Variants in TMTC2 observed in about 807,000 individuals in gnomAD.
TMTC2 encodes protein O-mannosyl-transferase TMTC2.
In TMTC2, 43 loss-of-function variants were observed where a neutral mutation model predicts 82.4. That is an observed-to-expected ratio of 0.52 (90% CI 0.41 to 0.67). The LOEUF (loss-of-function observed/expected upper bound fraction) is 0.67, where lower values mean the gene tolerates loss of function less well. Among genes scored for constraint, TMTC2 ranks in the 30% least tolerant of loss-of-function variants. The pLI, the probability that TMTC2 is intolerant of heterozygous loss-of-function variation, is 0.00. For missense variants in TMTC2, 919 were observed against 1,012.4 expected, an observed-to-expected ratio of 0.91 and a Z score of 1.25; for synonymous variants, 408 against 381.9, an observed-to-expected ratio of 1.07 and a Z score of -0.80.
chr12:82,915,791 T>A (rs1874966928), intron 3 of TMTC2, among the ~76,000 whole-genome samples: 2 of 152,246 alleles, frequency 1.3e-5, no homozygotes, highest in South Asian at 4.1e-4. Context: ...AAGGGCTGCT[T>A]GGAGACAATT....
intron 1 of TMTC2, among the ~76,000 whole-genome samples, chr12:82,856,461 T>C (rs1166118935): frequency 1.3e-5 from 2 of 152,212 alleles, no homozygotes; most frequent in African/African-American, 2.4e-5. Context: ...TGAGAGCTAC[T>C]GGAATGTGGA....
At position 82,862,065 on chromosome 12, in the gene TMTC2, T is replaced by C. The variant is rs73360205; in HGVS notation, c.654+4485T>C. Among the ~76,000 whole-genome samples, 323 of 152,282 alleles carry C rather than the reference T, an allele frequency of 2.1e-3. 1 individual carries two copies. Among genetic ancestry groups the C allele is most frequent in the African/African-American group, 7.6e-3 (314 of 41,574 alleles). ...GTTGGAAGACATGTATGTCAGAAAA[T>C]AAATTTTCTTGACCTCTCACTAAAT... On this transcript the variant is annotated intron_variant, in intron 2 of 11. Transcript: ENST00000321196.
At chr12:82,864,627 G>A (rs12818137) in intron 2 of TMTC2, among the ~76,000 whole-genome samples, 1 of 147,788 alleles carries the variant, frequency 6.8e-6, no homozygotes, top group South Asian at 2.2e-4. Flanking sequence ...TCAGCCTCCC[G>A]AGTAGCTGGG....
rs777698539 is a variant in TMTC2 at position 82,753,576 on chromosome 12, C to A, written c.83+65907C>A. 3.7e-4 allele frequency among the ~76,000 whole-genome samples: 57 copies of A among 152,296 alleles called. 1 individual carries two copies. Among genetic ancestry groups the A allele is most frequent in the Non-Finnish European group, 7.2e-4 (49 of 68,022 alleles). On this transcript the variant is annotated intron_variant, in intron 1 of 11. Transcript: ENST00000321196. Reference sequence around the variant, plus strand: ...TGATTAGGAAGACAGTTATTCACTTCTGTTTGCTGAACTGGAAGGAAGTCA... The same window carrying A: ...TGATTAGGAAGACAGTTATTCACTTATGTTTGCTGAACTGGAAGGAAGTCA...
intron 4 of TMTC2, among the ~76,000 whole-genome samples, chr12:82,957,722 T>A (rs1257790629): frequency 6.6e-6 from 1 of 152,010 alleles, no homozygotes; most frequent in Non-Finnish European, 1.5e-5. Flanking sequence ...GAGACTATTA[T>A]GAACACTTCT....
intron 3 of TMTC2, among the ~76,000 whole-genome samples, chr12:82,921,179 A>G (rs1489243733): frequency 1.3e-5 from 2 of 152,158 alleles, no homozygotes; most frequent in Non-Finnish European, 2.9e-5. Context: ...TAAAATTATT[A>G]AAACATATTA....
intron 2 of TMTC2, among the ~76,000 whole-genome samples, chr12:82,881,994 A>ATTTTTTT (rs869127384): frequency 7.5e-5 from 8 of 107,280 alleles, no homozygotes; most frequent in African/African-American, 1.7e-4. Flanking sequence ...TGTTGTTAAG[A>ATTTTTTT]TTTTTTTTTT....
At chr12:83,098,534 T>C (rs769387641) in intron 11 of TMTC2, among the ~76,000 whole-genome samples, 6 of 152,238 alleles carry the variant, frequency 3.9e-5, no homozygotes, top group Non-Finnish European at 8.8e-5. Flanking sequence ...AGCTGTATCT[T>C]TCCAAAACAC....
intron 8 of TMTC2, among the ~76,000 whole-genome samples, chr12:83,024,741 A>G (rs1193670280): frequency 6.6e-6 from 1 of 152,244 alleles, no homozygotes; most frequent in African/African-American, 2.4e-5. Flanking sequence ...CATGTGAGCT[A>G]GTTCAGAAGA....
At chr12:82,866,979 A>G (rs1871899534) in intron 2 of TMTC2, among the ~76,000 whole-genome samples, 1 of 152,238 alleles carries the variant, frequency 6.6e-6, no homozygotes, top group South Asian at 2.1e-4. Context: ...ATTTTAAACA[A>G]TCAGATTTTG....
chr12:82,789,327 A>G (rs1179242270), intron 1 of TMTC2, among the ~76,000 whole-genome samples: 1 of 152,110 alleles, frequency 6.6e-6, no homozygotes, highest in Non-Finnish European at 1.5e-5. Context: ...GTGTATGCTG[A>G]ATTTTAGAGG....
chr12:82,736,724 A>G (rs548089563), intron 1 of TMTC2, among the ~76,000 whole-genome samples: 33 of 152,342 alleles, frequency 2.2e-4, no homozygotes, highest in African/African-American at 7.7e-4. Flanking sequence ...ATTTCTGAGA[A>G]GTACAAACCA....
chr12:82,824,287 C>T (rs530722836), intron 1 of TMTC2, among the ~76,000 whole-genome samples: 1 of 152,330 alleles, frequency 6.6e-6, no homozygotes, highest in South Asian at 2.1e-4. Flanking sequence ...CAATACTTTA[C>T]CCAACAGCAT....
At chr12:82,926,670 C>T (rs1875736772) in intron 3 of TMTC2, among the ~76,000 whole-genome samples, 1 of 152,178 alleles carries the variant, frequency 6.6e-6, no homozygotes, top group East Asian at 1.9e-4. Context: ...TGCCTGGCTT[C>T]ATATTTTCAA....
At chr12:82,914,817 A>ATTTTTTTTTTTTTTTTTTT in intron 3 of TMTC2, among the ~76,000 whole-genome samples, 1 of 86,408 alleles carries the variant, frequency 1.2e-5, no homozygotes, top group Non-Finnish European at 2.2e-5. Context: ...CAACTCACTT[A>ATTTTTTTTTTTTTTTTTTT]TTTTTTTTTT....
chr12:82,857,707 T>A, intron 2 of TMTC2, 127 bp downstream of exon 2: 1 of 832,212 alleles, frequency 1.2e-6, no homozygotes, highest in Non-Finnish European at 1.8e-6. Context: ...TTTTTGATCT[T>A]CAGTAAGTGG....
intron 1 of TMTC2, among the ~76,000 whole-genome samples, chr12:82,784,076 CT>C (rs941437557): frequency 9.2e-5 from 14 of 151,692 alleles, no homozygotes; most frequent in Non-Finnish European, 2.1e-4. Flanking sequence ...TGGAGTGGTT[CT>C]TTTTTTTAAC....
chr12:82,976,113 A>C (rs1878660965), intron 7 of TMTC2, among the ~76,000 whole-genome samples: 1 of 152,054 alleles, frequency 6.6e-6, no homozygotes, highest in African/African-American at 2.4e-5. Flanking sequence ...ATCTCACTCT[A>C]TACTTTTTGA....
At chr12:82,798,272 A>T (rs572601589) in intron 1 of TMTC2, among the ~76,000 whole-genome samples, 349 of 148,678 alleles carry the variant, frequency 2.3e-3, no homozygotes, top group African/African-American at 8.2e-3. Context: ...TTTCATTTTA[A>T]AAGAAGTAAA....
Sources: gnomAD v4.1 joint callset for allele counts (sites outside exome capture counted in the v4.1 genomes callset) on GRCh38, gnomAD v4.1.1 for gene constraint, MANE v1.5 for transcripts, NCBI Gene and HGNC (gene_info 2026-07-23, HGNC 2026-07-21) for gene names.